IL7: variants seen among roughly 807,000 people sequenced by gnomAD.
IL7 encodes interleukin 7, also known as interleukin-7.
Under a neutral mutation model 21.6 loss-of-function variants are expected in IL7, and 3 were observed. The ratio of observed to expected loss-of-function variants is 0.14; its 90% CI spans 0.06 to 0.36. The LOEUF (loss-of-function observed/expected upper bound fraction) is 0.36, where lower values mean the gene tolerates loss of function less well. Ranked by LOEUF, IL7 falls within the 10% of genes least tolerant of loss-of-function variation. IL7 has a pLI of 1.00. For missense variants in IL7, 175 were observed against 200.2 expected, an observed-to-expected ratio of 0.87 and a Z score of 0.76; for synonymous variants, 62 against 68.1, an observed-to-expected ratio of 0.91 and a Z score of 0.44.
intron 3 of IL7, chr8:78,686,425 C>CTGTT (rs747014742): frequency 4.2e-4 from 483 of 1,162,182 alleles, no homozygotes; most frequent in South Asian, 1.2e-3. Context: ...TAAAAAGATA[C>CTGTT]TGTTTGTTTA....
intron 4 of IL7, among the ~76,000 whole-genome samples, chr8:78,678,189 A>C (rs781103285): frequency 3.9e-5 from 6 of 152,226 alleles, no homozygotes; most frequent in East Asian, 3.9e-4. Flanking sequence ...TGCCTTAACT[A>C]TCTGGGAATG....
At chr8:78,772,022 A>G (rs543726739) in intron 2 of IL7, among the ~76,000 whole-genome samples, 2 of 152,258 alleles carry the variant, frequency 1.3e-5, no homozygotes, top group East Asian at 3.9e-4. Context: ...ATTCCAGGAA[A>G]CTTTCTTCCT....
intron 3 of IL7, among the ~76,000 whole-genome samples, chr8:78,697,023 G>C (rs547179536): frequency 6.6e-6 from 1 of 152,250 alleles, no homozygotes; most frequent in South Asian, 2.1e-4. Flanking sequence ...TAGCAGTGGA[G>C]CATCTGAGAG....
At chr8:78,739,805 CTT>C (rs1461704239) in intron 3 of IL7, among the ~76,000 whole-genome samples, 195 bp downstream of exon 3, 2 of 151,488 alleles carry the variant, frequency 1.3e-5, no homozygotes, top group African/African-American at 2.4e-5. Context: ...ACAAAAAAAA[CTT>C]GTTATTTAAT....
At chr8:78,717,128 CACAGATAA>C (rs1309075316), downstream of IL7, among the ~76,000 whole-genome samples, 2 of 151,874 alleles carry the variant, frequency 1.3e-5, no homozygotes, top group Admixed American at 1.3e-4. Context: ...ATTCTCGTAA[CACAGATAA>C]ATATAATGTT....
intron 3 of IL7, among the ~76,000 whole-genome samples, chr8:78,710,694 G>T (rs930591223): frequency 1.3e-5 from 2 of 151,960 alleles, no homozygotes; most frequent in African/African-American, 2.4e-5. Context: ...AAATCTGAAT[G>T]TTTAAAATTC....
chr8:78,787,421 C>G (rs1466660974), intron 2 of IL7, among the ~76,000 whole-genome samples: 1 of 152,188 alleles, frequency 6.6e-6, no homozygotes, highest in Admixed American at 6.5e-5. Context: ...AACTCTCACA[C>G]ATTTGGTCAT....
At chr8:78,760,300 T>C in intron 2 of IL7, 1 of 1,607,114 alleles carries the variant, frequency 6.2e-7, no homozygotes, top group Admixed American at 1.7e-5. Context: ...GTCAAAGTGT[T>C]CCTCAAATAT....
chr8:78,787,880 C>T (rs1308312283), intron 2 of IL7, among the ~76,000 whole-genome samples: 1 of 152,134 alleles, frequency 6.6e-6, no homozygotes, highest in African/African-American at 2.4e-5. Flanking sequence ...AATTTAGTCT[C>T]TCAGAGTTCT....
intron 2 of IL7, among the ~76,000 whole-genome samples, chr8:78,776,049 A>G (rs1266403761): frequency 6.6e-6 from 1 of 152,078 alleles, no homozygotes; most frequent in East Asian, 1.9e-4. Context: ...CTATGCATAC[A>G]TACCAATGAT....
At chr8:78,796,818 T>A (rs899738000) in intron 2 of IL7, among the ~76,000 whole-genome samples, 4 of 152,002 alleles carry the variant, frequency 2.6e-5, no homozygotes, top group African/African-American at 9.7e-5. Flanking sequence ...TGCAAAATAT[T>A]ACAGCCACTT....
Position 78,678,420 on chromosome 8 carries a change from G to C in IL7, n.274-2316C>G, listed in dbSNP as rs2130442864. ...CAACTTAACATTTGGTTAAGGCAAG[G>C]TGTATCTTATTTATTTATTATTTTG... On this transcript the variant is annotated intron_variant and non_coding_transcript_variant, in intron 4 of 4. Coordinates refer to the IL7 transcript ENST00000523959. The C allele has an allele frequency of 6.2e-6, 4 of 644,158 alleles. No individual in the cohort carries two copies. The East Asian group carries it at 1.1e-4, about 17-fold the overall frequency. 39.9% of individuals were successfully genotyped at this position (644,158 alleles called of 1,614,324 possible).
chr8:78,798,276 A>G (rs955779123), intron 1 of IL7, 68 bp from the exon 2 acceptor site: 22 of 1,122,674 alleles, frequency 2.0e-5, no homozygotes, highest in South Asian at 1.8e-4. Flanking sequence ...TGGGGTTTCA[A>G]TGGACTGGAC....
intron 2 of IL7, among the ~76,000 whole-genome samples, chr8:78,791,123 G>A (rs2130829456): frequency 6.6e-6 from 1 of 152,182 alleles, no homozygotes; most frequent in Admixed American, 6.5e-5. Context: ...GGAAAGACAA[G>A]TTCTTTCTTC....
At chr8:78,720,171 A>G (rs1421090495) in intron 5 of IL7, among the ~76,000 whole-genome samples, 2 of 151,754 alleles carry the variant, frequency 1.3e-5, no homozygotes, top group Non-Finnish European at 1.5e-5. Flanking sequence ...CAGATTAGAC[A>G]TGTTTGATTT....
In IL7 at chr8:78,798,133, A is replaced by G. The variant is rs1176972631; in HGVS notation, c.86T>C (p.Ile29Thr). The change falls in exon 2 of 6, where the codon ATT (isoleucine) becomes ACT (threonine). Residue 29 changes from isoleucine to threonine, a missense_variant. Coordinates refer to ENST00000263851, the MANE Select transcript of IL7 (RefSeq NM_000880.4). ...LLPVASSDCD[I>T]EGKDGKQYES... is the part of the protein sequence containing the mutation. ...ATATTGTTTGCCATCTTTACCTTCA[A>G]TATCACAATCAGATGATGCTACTGG... The G allele has an allele frequency of 2.5e-6, 4 of 1,611,534 alleles. No homozygotes were observed. The highest frequency in any genetic ancestry group is 2.5e-6 in the Non-Finnish European group (3 of 1,177,934).
intron 3 of IL7, chr8:78,697,334 A>G: frequency 8.2e-7 from 1 of 1,216,898 alleles, no homozygotes; most frequent in Non-Finnish European, 1.1e-6. Flanking sequence ...AAGAATGTTA[A>G]GTTTTGAACC....
chr8:78,694,304 T>TTCCTTCCTTC (rs1810326379), intron 3 of IL7, among the ~76,000 whole-genome samples: 1 of 151,762 alleles, frequency 6.6e-6, no homozygotes, highest in Non-Finnish European at 1.5e-5. Flanking sequence ...TTTTTTCTCA[T>TTCCTTCCTTC]TCAGTTTCCT....
At chr8:78,778,235 A>G (rs375510413) in intron 2 of IL7, among the ~76,000 whole-genome samples, 6 of 152,126 alleles carry the variant, frequency 3.9e-5, no homozygotes, top group Non-Finnish European at 7.4e-5. Flanking sequence ...TCATAAATGC[A>G]TGCAAAATTG....
Sources: gnomAD v4.1 joint callset for allele counts (sites outside exome capture counted in the v4.1 genomes callset) on GRCh38, gnomAD v4.1.1 for gene constraint, MANE v1.5 for transcripts, NCBI Gene and HGNC (gene_info 2026-07-23, HGNC 2026-07-21) for gene names.